The following CDH23 variants were observed in gnomAD, a reference collection of about 807,000 sequenced individuals.
CDH23 encodes cadherin-23.
A neutral mutation model predicts 317.1 loss-of-function variants in CDH23; 189 were observed. The ratio of observed to expected loss-of-function variants is 0.60; its 90% CI spans 0.53 to 0.67. The LOEUF (loss-of-function observed/expected upper bound fraction) is 0.67. CDH23 is among the 30% of genes least tolerant of loss of function. The pLI is 0.00. For synonymous variants in CDH23, 1,839 were observed against 1,876.8 expected (o/e 0.98, Z 0.52); for missense variants, 4,401 against 4,592.4 (o/e 0.96, Z 1.20).
At chr10:71,458,512 G>C (rs1038239544) in intron 3 of CDH23, among the ~76,000 whole-genome samples, 1 of 152,224 alleles carries the variant, frequency 6.6e-6, no homozygotes, top group Non-Finnish European at 1.5e-5. Flanking sequence ...GGGAGCTAAT[G>C]AAAGAGCTTT....
chr10:71,709,777 T>C (rs1190298180), intron 27 of CDH23, among the ~76,000 whole-genome samples: 1 of 152,038 alleles, frequency 6.6e-6, no homozygotes, highest in Admixed American at 6.5e-5. Context: ...ATTAGTCTGT[T>C]TTCACGCTGC....
intron 3 of CDH23, among the ~76,000 whole-genome samples, chr10:71,502,522 A>G (rs940243787): frequency 3.3e-5 from 5 of 152,204 alleles, no homozygotes; most frequent in Non-Finnish European, 5.9e-5. Flanking sequence ...CAGAATATCA[A>G]CTTCTACCTT....
At chr10:71,739,571 G>A in intron 35 of CDH23, 73 bp from the exon 36 acceptor site, 1 of 1,548,516 alleles carries the variant, frequency 6.5e-7, no homozygotes, top group Non-Finnish European at 8.8e-7. Context: ...GAGGACCAGG[G>A]AGTCCCCCTT....
At chr10:71,464,158 C>G (rs978808989) in intron 3 of CDH23, among the ~76,000 whole-genome samples, 1 of 152,184 alleles carries the variant, frequency 6.6e-6, no homozygotes, top group African/African-American at 2.4e-5. Flanking sequence ...CAGCACCCAT[C>G]CTCCTAACCA....
intron 14 of CDH23, among the ~76,000 whole-genome samples, chr10:71,658,813 A>C (rs2132626539): frequency 6.6e-6 from 1 of 152,280 alleles, no homozygotes; most frequent in South Asian, 2.1e-4. Flanking sequence ...CCATTCTGCC[A>C]GTCACCCTCA....
intron 1 of CDH23, among the ~76,000 whole-genome samples, chr10:71,435,309 C>T (rs949322083): frequency 3.3e-5 from 5 of 152,194 alleles, no homozygotes; most frequent in African/African-American, 1.2e-4. Context: ...ACCCTGAAAA[C>T]TGGGAGCCCT....
chr10:71,803,552 C>A (rs2132979085), intron 55 of CDH23, 132 bp downstream of exon 55: 1 of 784,040 alleles, frequency 1.3e-6, no homozygotes, highest in Non-Finnish European at 2.0e-6. Flanking sequence ...AAAAAAAAAA[C>A]TTTTTTAATT....
In CDH23 at chr10:71,811,944, TCTC is replaced by T. The variant is rs779441931; in HGVS notation, c.9320-9_9320-7del. The stretch of plus-strand genomic sequence containing the variant: ...CCCCTCCCCTCCATGCCCCAACCCT[TCTC>T]CCTGCAGGGAATCGTGGCTTCATCG... On this transcript the variant is annotated splice_polypyrimidine_tract_variant and splice_region_variant and intron_variant, in intron 65 of 69. Coordinates refer to ENST00000224721, the MANE Select transcript of CDH23 (RefSeq NM_022124.6). 1 of 1,600,848 alleles carries T rather than the reference TCTC, an allele frequency of 6.2e-7. No individual in the cohort carries two copies. The highest frequency in any genetic ancestry group is 2.3e-5 in the East Asian group (1 of 44,006).
At chr10:71,647,654 C>A (rs970286018) in intron 14 of CDH23, 1 of 152,242 alleles carries the variant, frequency 6.6e-6, no homozygotes, top group Non-Finnish European at 1.5e-5. Flanking sequence ...CCAGCAGATT[C>A]TCATCGGCCC....
At chr10:71,435,911 G>A (rs1309587705) in intron 1 of CDH23, among the ~76,000 whole-genome samples, 1 of 152,234 alleles carries the variant, frequency 6.6e-6, no homozygotes, top group Admixed American at 6.5e-5. Context: ...GGAGGTCAGG[G>A]CTTAGGAGTC....
intron 38 of CDH23, chr10:71,755,218 C>A: frequency 2.4e-6 from 2 of 834,418 alleles, no homozygotes; most frequent in South Asian, 3.1e-5. Flanking sequence ...CAGCTCCTGG[C>A]GGGAAGTGCA....
intron 1 of CDH23, among the ~76,000 whole-genome samples, chr10:71,423,945 A>C (rs1373206634): frequency 6.6e-6 from 1 of 152,226 alleles, no homozygotes; most frequent in Non-Finnish European, 1.5e-5. Context: ...TGAGTGCAAC[A>C]AGGGTGACAT....
chr10:71,537,123 T>A (rs1299877618), intron 6 of CDH23, among the ~76,000 whole-genome samples: 1 of 151,904 alleles, frequency 6.6e-6, no homozygotes, highest in Non-Finnish European at 1.5e-5. Context: ...CATGGGCCCA[T>A]GGCTGAGGGC....
At chr10:71,491,431 A>G (rs1852653104) in intron 3 of CDH23, among the ~76,000 whole-genome samples, 1 of 152,160 alleles carries the variant, frequency 6.6e-6, no homozygotes, top group Non-Finnish European at 1.5e-5. Flanking sequence ...ACACTGTCGA[A>G]ATCCAACAAA....
chr10:71,600,328 G>A (rs1860134451), intron 9 of CDH23, among the ~76,000 whole-genome samples: 1 of 151,534 alleles, frequency 6.6e-6, no homozygotes, highest in African/African-American at 2.4e-5. Context: ...CAGTGGGTTG[G>A]CCCACTGATG....
intron 22 of CDH23, among the ~76,000 whole-genome samples, chr10:71,700,381 C>T (rs954185871): frequency 9.2e-5 from 14 of 152,018 alleles, no homozygotes; most frequent in African/African-American, 3.4e-4. Context: ...AGCAAGACTT[C>T]GTCTCAAAGA....
chr10:71,511,369 G>C (rs1287267037), intron 6 of CDH23, 157 bp downstream of exon 6: 4 of 713,170 alleles, frequency 5.6e-6, no homozygotes, highest in Non-Finnish European at 9.9e-6. Flanking sequence ...CGAACATGCT[G>C]GTACCCTGGG....
chr10:71,709,809 T>C (rs1333923608), intron 27 of CDH23, among the ~76,000 whole-genome samples: 1 of 152,054 alleles, frequency 6.6e-6, no homozygotes, highest in African/African-American at 2.4e-5. Flanking sequence ...TATCCGAGAC[T>C]GGGTAATTTA....
At chr10:71,465,590 C>T (rs1364803459) in intron 3 of CDH23, among the ~76,000 whole-genome samples, 2 of 152,212 alleles carry the variant, frequency 1.3e-5, no homozygotes, top group Non-Finnish European at 2.9e-5. Context: ...GGCTGATAGG[C>T]CCACCCCTCA....
Sources: gnomAD v4.1 joint callset for allele counts (sites outside exome capture counted in the v4.1 genomes callset) on GRCh38, gnomAD v4.1.1 for gene constraint, MANE v1.5 for transcripts, NCBI Gene and HGNC (gene_info 2026-07-23, HGNC 2026-07-21) for gene names.